Variants in MYRIP observed in about 807,000 individuals in gnomAD.
The protein encoded by MYRIP is rab effector MyRIP.
A neutral mutation model predicts 98.0 loss-of-function variants in MYRIP; 49 were observed. The observed-to-expected ratio is 0.50, with a 90% CI of 0.40 to 0.63. The LOEUF (loss-of-function observed/expected upper bound fraction) is 0.63. MYRIP is among the 30% of genes least tolerant of loss of function. The pLI is 0.00. For missense variants in MYRIP, 1,004 were observed against 1,058.2 expected, an observed-to-expected ratio of 0.95 and a Z score of 0.71; for synonymous variants, 404 against 409.5, an observed-to-expected ratio of 0.99 and a Z score of 0.16.
chr3:39,990,173 A>C (rs1946139686), intron 2 of MYRIP, among the ~76,000 whole-genome samples: 1 of 152,230 alleles, frequency 6.6e-6, no homozygotes, highest in Non-Finnish European at 1.5e-5. Flanking sequence ...GCACAGTTCC[A>C]TGGAAAAAGG....
intron 1 of MYRIP, among the ~76,000 whole-genome samples, chr3:39,841,251 T>C (rs1418479417): frequency 1.3e-5 from 2 of 152,012 alleles, no homozygotes; most frequent in Non-Finnish European, 2.9e-5. Flanking sequence ...TCAATTTGGC[T>C]ACAACGTATG....
chr3:39,929,399 C>T (rs1038274678), intron 2 of MYRIP, among the ~76,000 whole-genome samples: 6 of 151,854 alleles, frequency 4.0e-5, no homozygotes, highest in South Asian at 2.1e-4. Flanking sequence ...AAATTTATAG[C>T]GAGAAATAAA....
At chr3:40,137,635 A>G (rs186843805) in intron 3 of MYRIP, among the ~76,000 whole-genome samples, 161 of 152,330 alleles carry the variant, frequency 1.1e-3, no homozygotes, top group Middle Eastern at 3.4e-3. Flanking sequence ...AAAATCCTCA[A>G]TAAAATACTG....
intron 3 of MYRIP, among the ~76,000 whole-genome samples, chr3:40,093,578 TAC>T (rs968775170): frequency 2.6e-4 from 40 of 152,232 alleles, no homozygotes; most frequent in African/African-American, 9.4e-4. Flanking sequence ...CAGGTATGTT[TAC>T]CCCGTGAGGG....
rs187416909 is a variant in MYRIP, at chr3:40,000,202, T to A, written c.111-43848T>A. Among the ~76,000 whole-genome samples the A allele has an allele frequency of 1.0e-3, 149 of 149,110 alleles. 2 individuals are homozygous for A. The highest frequency in any genetic ancestry group is 1.1e-3 in the Non-Finnish European group (71 of 67,046). ...AATTACAATAAATTATTGTTAACTT[T>A]AAAAAAAAAAGAACTTTTAAATGTA... is the stretch of plus-strand genomic sequence containing the variant. On this transcript the variant is annotated intron_variant, in intron 2 of 16. Coordinates refer to ENST00000302541, the MANE Select transcript of MYRIP (RefSeq NM_015460.4).
intron 3 of MYRIP, among the ~76,000 whole-genome samples, chr3:40,088,214 C>T (rs1364105569): frequency 3.9e-5 from 6 of 152,146 alleles, no homozygotes; most frequent in Non-Finnish European, 4.4e-5. Flanking sequence ...GATGTTGGAA[C>T]TCATCAGTCT....
intron 1 of MYRIP, among the ~76,000 whole-genome samples, chr3:39,853,092 T>C (rs547433070): frequency 5.7e-4 from 87 of 152,334 alleles, no homozygotes; most frequent in Non-Finnish European, 1.1e-3. Context: ...TATTTCATTC[T>C]TTTTTATGGT....
At position 39,942,079 on chromosome 3, in the gene MYRIP, A is replaced by T. The variant is rs79898528; in HGVS notation, c.110+41153A>T. Among the ~76,000 whole-genome samples, 333 of 152,318 alleles carry T rather than the reference A, an allele frequency of 2.2e-3. 1 individual carries two copies. The highest frequency in any genetic ancestry group is 6.9e-3 in the African/African-American group (286 of 41,588). On this transcript the variant is annotated intron_variant, in intron 2 of 16. Transcript: ENST00000302541. The stretch of plus-strand genomic sequence containing the variant: ...TCTTTATGGCAAGTGCTGTTTGGCA[A>T]GGGCTCTTTAGTTACTGTAAATTAA...
chr3:40,251,686 A>G (rs1266998558), intron 15 of MYRIP, among the ~76,000 whole-genome samples, 195 bp from the exon 16 acceptor site: 1 of 152,226 alleles, frequency 6.6e-6, no homozygotes, highest in African/African-American at 2.4e-5. Flanking sequence ...AAAGCTATCA[A>G]TGATGCCCTG....
chr3:40,191,809 C>T (rs1220213463), intron 10 of MYRIP, among the ~76,000 whole-genome samples: 1 of 152,082 alleles, frequency 6.6e-6, no homozygotes, highest in Non-Finnish European at 1.5e-5. Flanking sequence ...TTGTCTAGCT[C>T]AAGTGGAGAC....
chr3:40,019,483 A>T (rs1180733168), intron 2 of MYRIP, among the ~76,000 whole-genome samples: 1 of 151,920 alleles, frequency 6.6e-6, no homozygotes, highest in Non-Finnish European at 1.5e-5. Context: ...CTGATTGCCC[A>T]CCTCTGCTGC....
chr3:40,255,831 T>A (rs924768134), intron 16 of MYRIP, among the ~76,000 whole-genome samples: 1 of 152,252 alleles, frequency 6.6e-6, no homozygotes, highest in Admixed American at 6.5e-5. Flanking sequence ...AAGATGTTTA[T>A]CTAACTATGC....
Position 40,212,167 on chromosome 3 carries a change from TAC to T in MYRIP, c.1905+2076_1905+2077del, listed in dbSNP as rs1951962022. On this transcript the variant is annotated intron_variant, in intron 11 of 16. Coordinates refer to ENST00000302541, the MANE Select transcript of MYRIP (RefSeq NM_015460.4). ...ACATATATATACGTGTATATATATATACATATATATACGTGTATGTGTATATA... is the reference window on the plus strand; with the variant it reads ...ACATATATATACGTGTATATATATATATATATATACGTGTATGTGTATATA... 5.7e-4 allele frequency among the ~76,000 whole-genome samples: 7 copies of T among 12,310 alleles called. 1 individual carries two copies. Among genetic ancestry groups the T allele is most frequent in the Admixed American group, 4.8e-3 (4 of 834 alleles). 8.1% of individuals were successfully genotyped at this position (12,310 alleles called of 152,430 possible).
intron 1 of MYRIP, among the ~76,000 whole-genome samples, chr3:39,886,047 C>T (rs7621626): frequency 0.013 from 1,919 of 152,112 alleles, 42 homozygotes; most frequent in African/African-American, 0.044. Flanking sequence ...TGAGGAACTG[C>T]GTTCCAATTT....
At chr3:40,231,744 C>G (rs978584939) in intron 11 of MYRIP, among the ~76,000 whole-genome samples, 6 of 152,136 alleles carry the variant, frequency 3.9e-5, no homozygotes, top group African/African-American at 1.2e-4. Flanking sequence ...TTTTTACTTT[C>G]CCTTCCCTCA....
At chr3:39,996,100 G>A (rs868424603) in intron 2 of MYRIP, among the ~76,000 whole-genome samples, 18 of 152,152 alleles carry the variant, frequency 1.2e-4, no homozygotes, top group African/African-American at 1.7e-4. Context: ...AAAGACCATC[G>A]AGGCTAGGAA....
At chr3:39,864,512 A>G (rs958552684) in intron 1 of MYRIP, among the ~76,000 whole-genome samples, 2 of 152,220 alleles carry the variant, frequency 1.3e-5, no homozygotes, top group Admixed American at 1.3e-4. Flanking sequence ...AACAACATCC[A>G]AGCTGAGAGA....
At chr3:40,082,701 A>T (rs1042831264) in intron 3 of MYRIP, among the ~76,000 whole-genome samples, 4 of 152,248 alleles carry the variant, frequency 2.6e-5, no homozygotes, top group African/African-American at 9.6e-5. Flanking sequence ...CTGAGGAAAA[A>T]CAAAAACAGA....
At chr3:40,185,728 C>G (rs1394797748) in intron 9 of MYRIP, among the ~76,000 whole-genome samples, 1 of 152,076 alleles carries the variant, frequency 6.6e-6, no homozygotes, top group African/African-American at 2.4e-5. Context: ...CAAATGCCAC[C>G]TCACCATGTA....
Sources: gnomAD v4.1 joint callset for allele counts (sites outside exome capture counted in the v4.1 genomes callset) on GRCh38, gnomAD v4.1.1 for gene constraint, MANE v1.5 for transcripts, NCBI Gene and HGNC (gene_info 2026-07-23, HGNC 2026-07-21) for gene names.